Variants in ZNF827 observed in about 807,000 individuals in gnomAD.
ZNF827 encodes zinc finger protein 827.
Under a neutral mutation model 102.4 loss-of-function variants are expected in ZNF827, and 13 were observed. The ratio of observed to expected loss-of-function variants is 0.13; its 90% CI spans 0.08 to 0.20. The LOEUF (loss-of-function observed/expected upper bound fraction) is 0.20, where lower values mean the gene tolerates loss of function less well. Among genes scored for constraint, ZNF827 ranks in the 10% least tolerant of loss-of-function variants. The pLI is 1.00. For missense variants in ZNF827, 1,103 were observed against 1,344.4 expected, an observed-to-expected ratio of 0.82 and a Z score of 2.81; for synonymous variants, 523 against 536.2, an observed-to-expected ratio of 0.98 and a Z score of 0.34.
rs1299175373 is a variant in ZNF827 at position 145,760,857 on chromosome 4, A to C, written c.*759T>G. 8.2e-7 allele frequency: 1 copy of C among 1,213,590 alleles called. No homozygotes were observed. The highest frequency in any genetic ancestry group is 3.2e-5 in the Admixed American group (1 of 31,518). The allele number at this position is 1,213,590 out of a possible 1,614,324, so 75.2% of individuals were successfully genotyped here. A position where few individuals can be genotyped will look rare whatever the true frequency, so the allele number is the denominator to read the frequency against. ...TGGGTGAGGGGATGCTGGGAGGCGC[A>C]GTCTGAGGTCGGGGAGGGTGGAATG... On this transcript the variant is annotated 3_prime_UTR_variant, in exon 15 of 15. Coordinates refer to ENST00000508784, the MANE Select transcript of ZNF827 (RefSeq NM_001306215.2).
chr4:145,760,787 T>C lies in ZNF827; in HGVS notation c.*829A>G. On this transcript the variant is annotated 3_prime_UTR_variant, in exon 15 of 15. Transcript: ENST00000508784. ...ACAGAACATGGCTGCCCTCAGACAGTCTCTGCTCTTTCTCTCAGTCCGAGA... is the reference window on the plus strand; with the variant it reads ...ACAGAACATGGCTGCCCTCAGACAGCCTCTGCTCTTTCTCTCAGTCCGAGA... 8.5e-7 allele frequency: 1 copy of C among 1,171,760 alleles called. No individual in the cohort carries two copies. The highest frequency in any genetic ancestry group is 1.1e-6 in the Non-Finnish European group (1 of 931,868). 72.6% of individuals were successfully genotyped at this position (1,171,760 alleles called of 1,614,324 possible). A position where few individuals can be genotyped will look rare whatever the true frequency, so the allele number is the denominator to read the frequency against.
chr4:145,799,632 T>C (rs1273081597), intron 8 of ZNF827, among the ~76,000 whole-genome samples: 2 of 152,144 alleles, frequency 1.3e-5, no homozygotes, highest in Non-Finnish European at 2.9e-5. Flanking sequence ...CTTCCTTTAA[T>C]AAAGGAACCC....
chr4:145,920,087 A>G (rs929121021), intron 1 of ZNF827, among the ~76,000 whole-genome samples: 1 of 152,250 alleles, frequency 6.6e-6, no homozygotes, highest in Non-Finnish European at 1.5e-5. Flanking sequence ...TAAGTAAAGC[A>G]CCTGGCACAG....
At chr4:145,793,082 G>A (rs1739929899) in intron 8 of ZNF827, among the ~76,000 whole-genome samples, 1 of 151,172 alleles carries the variant, frequency 6.6e-6, no homozygotes, top group African/African-American at 2.4e-5. Flanking sequence ...AATATTTGTG[G>A]ATTTGCTTAA....
chr4:145,936,803 G>A (rs936487840), intron 1 of ZNF827, among the ~76,000 whole-genome samples: 3 of 152,140 alleles, frequency 2.0e-5, no homozygotes, highest in Non-Finnish European at 4.4e-5. Context: ...GACCGACCAC[G>A]TCGGCCTGAC....
intron 5 of ZNF827, among the ~76,000 whole-genome samples, chr4:145,867,144 C>T (rs1291661159): frequency 6.6e-6 from 1 of 152,210 alleles, no homozygotes; most frequent in Non-Finnish European, 1.5e-5. Flanking sequence ...TCGCAGACTT[C>T]CAGTGCTTTC....
chr4:145,780,993 G>A lies in ZNF827; in HGVS notation c.2384-1482C>T, dbSNP rs969078725. Among the ~76,000 whole-genome samples the A allele has an allele frequency of 2.6e-5, 4 of 152,022 alleles. No individual in the cohort carries two copies. The South Asian group carries it at 6.2e-4, about 24-fold the overall frequency. ...AGGGGGATCACAAGGTCAGAAGATC[G>A]AGACCATCCTGGCTAACACGGTGAA... On this transcript the variant is annotated intron_variant, in intron 8 of 14. Transcript: ENST00000508784.
At chr4:145,847,089 G>A (rs997721865) in intron 6 of ZNF827, among the ~76,000 whole-genome samples, 1 of 152,154 alleles carries the variant, frequency 6.6e-6, no homozygotes, top group African/African-American at 2.4e-5. Context: ...AGGAGGTGGA[G>A]GGTGTAGTGA....
chr4:145,781,195 CAAAAAAAAAAA>C (rs10605153), intron 8 of ZNF827, among the ~76,000 whole-genome samples: 6 of 56,546 alleles, frequency 1.1e-4, no homozygotes, highest in South Asian at 1.1e-3. Flanking sequence ...GACACCATCT[CAAAAAAAAAAA>C]AAAAAAAAAA....
At chr4:145,781,209 A>G (rs1737976340) in intron 8 of ZNF827, among the ~76,000 whole-genome samples, 2 of 126,094 alleles carry the variant, frequency 1.6e-5, no homozygotes, top group Non-Finnish European at 3.3e-5. Context: ...AAAAAAAAAA[A>G]AAAAAAAAGA....
chr4:145,767,779 T>C (rs183039137), intron 11 of ZNF827, among the ~76,000 whole-genome samples: 1 of 152,222 alleles, frequency 6.6e-6, no homozygotes, highest in Admixed American at 6.5e-5. Flanking sequence ...ATTTCAAAAA[T>C]GAAGGCAACA....
rs891697178 is a variant in ZNF827, at chr4:145,808,921, C to T, written c.2383+14501G>A. ...CCTCAAGCAATCCTCCTGCTTCAGC[C>T]TCCCAAGTAGCTGGGACTACAGGTA... On this transcript the variant is annotated intron_variant, in intron 8 of 14. Transcript: ENST00000508784. 2.6e-5 allele frequency among the ~76,000 whole-genome samples: 4 copies of T among 152,036 alleles called. 1 individual carries two copies. Among genetic ancestry groups the T allele is most frequent in the East Asian group, 3.9e-4 (2 of 5,184 alleles).
intron 10 of ZNF827, among the ~76,000 whole-genome samples, chr4:145,775,552 C>T (rs892046333): frequency 1.3e-5 from 2 of 152,052 alleles, no homozygotes; most frequent in Admixed American, 6.6e-5. Flanking sequence ...GAGCTCCACC[C>T]CAGAGAGCCA....
chr4:145,865,575 T>C (rs1002381224), intron 5 of ZNF827, among the ~76,000 whole-genome samples: 3 of 152,210 alleles, frequency 2.0e-5, no homozygotes, highest in Non-Finnish European at 4.4e-5. Context: ...AATTTCATGA[T>C]GATTCTGCTG....
At chr4:145,868,726 C>T (rs1387473204) in intron 5 of ZNF827, among the ~76,000 whole-genome samples, 1 of 152,168 alleles carries the variant, frequency 6.6e-6, no homozygotes, top group African/African-American at 2.4e-5. Flanking sequence ...TGGTGCTACC[C>T]AAGTCTCTTC....
At chr4:145,839,706 C>A (rs1011023185) in intron 7 of ZNF827, 3 of 152,238 alleles carry the variant, frequency 2.0e-5, no homozygotes, top group Non-Finnish European at 2.9e-5. Context: ...ATCATTCTTG[C>A]ATAACCTGCC....
rs759966316 is a variant in ZNF827, at chr4:145,886,019, A to T, written c.1406T>A (p.Ile469Asn). 2.2e-5 allele frequency: 35 copies of T among 1,613,978 alleles called. No homozygotes were observed. The highest frequency in any genetic ancestry group is 2.8e-5 in the Non-Finnish European group (33 of 1,180,034). ...AGATCCCTTGACATCTGGGTCTGGG[A>T]TCTCCTCCTTCACCTTGGCTTCTGT... ...LRTEAKVKEE[I>N]PDPDVKGSPH... The change falls in exon 4 of 15, where the codon ATC becomes AAC. Residue 469 changes from isoleucine (I) to asparagine (N), a missense_variant. This residue lies in a region of ZNF827 where 157 missense variants were observed against 211.7 expected (regional missense o/e 0.74). Transcript: ENST00000508784.
intron 4 of ZNF827, among the ~76,000 whole-genome samples, chr4:145,884,006 C>G (rs1228698186): frequency 1.3e-5 from 2 of 152,152 alleles, no homozygotes; most frequent in African/African-American, 4.8e-5. Flanking sequence ...CTCAAAGTCT[C>G]TAAAAATCAC....
intron 5 of ZNF827, 119 bp downstream of exon 5, chr4:145,870,126 T>A: frequency 1.1e-6 from 1 of 942,346 alleles, no homozygotes. Flanking sequence ...GTTCTTTGAA[T>A]TCACAGCAAT....
Sources: gnomAD v4.1 joint callset for allele counts (sites outside exome capture counted in the v4.1 genomes callset) on GRCh38, gnomAD v4.1.1 for gene constraint, gnomAD v4.1.1 regional missense constraint, MANE v1.5 for transcripts, NCBI Gene and HGNC (gene_info 2026-07-23, HGNC 2026-07-21) for gene names.